The following KIAA0319 variants were observed in gnomAD, a reference collection of about 807,000 sequenced individuals.
KIAA0319 encodes dyslexia-associated protein KIAA0319.
A neutral mutation model predicts 108.4 loss-of-function variants in KIAA0319; 83 were observed. The observed-to-expected ratio is 0.77, with a 90% confidence interval of 0.64 to 0.92. KIAA0319 has a LOEUF of 0.92. Ranked by LOEUF, KIAA0319 falls within the 40% of genes least tolerant of loss-of-function variation. The pLI is 0.00. For missense variants in KIAA0319, 1,195 were observed against 1,322.4 expected (o/e 0.90, Z 1.49); for synonymous variants, 484 against 510.4 (o/e 0.95, Z 0.70).
In KIAA0319 at chr6:24,578,252, T is replaced by G; in HGVS notation, c.1373-10A>C. On this transcript the variant is annotated splice_polypyrimidine_tract_variant and intron_variant, in intron 8 of 20. Transcript: ENST00000378214. ...GTATCATCTGTACTTTCTACAAGAT[T>G]AAGAAATAAAGACAAGAATGAAATA... 1 of 1,567,920 alleles carries G rather than the reference T, an allele frequency of 6.4e-7. No individual in the cohort carries two copies. Among genetic ancestry groups the G allele is most frequent in the South Asian group, 1.2e-5 (1 of 86,246 alleles).
At chr6:24,616,387 C>G (rs1773150232) in intron 1 of KIAA0319, among the ~76,000 whole-genome samples, 1 of 152,198 alleles carries the variant, frequency 6.6e-6, no homozygotes, top group Non-Finnish European at 1.5e-5. Flanking sequence ...GAGACGGAGT[C>G]TCGCTCTGTT....
At chr6:24,566,827 C>T (rs999453333) in intron 13 of KIAA0319, 79 bp from the exon 14 acceptor site, 1 of 1,318,464 alleles carries the variant, frequency 7.6e-7, no homozygotes, top group Non-Finnish European at 1.0e-6. Context: ...CATAAAACAT[C>T]CACAACTCTT....
intron 13 of KIAA0319, among the ~76,000 whole-genome samples, chr6:24,567,759 GA>G (rs1319511562): frequency 6.6e-6 from 1 of 152,154 alleles, no homozygotes; most frequent in Non-Finnish European, 1.5e-5. Flanking sequence ...AATAACTTCA[GA>G]AAAGAGGGGC....
chr6:24,573,772 A>AT (rs1362807031), intron 10 of KIAA0319, among the ~76,000 whole-genome samples: 1 of 152,120 alleles, frequency 6.6e-6, no homozygotes, highest in African/African-American at 2.4e-5. Context: ...CTTTTTTATT[A>AT]TTATTTTTTT....
At chr6:24,559,617 TAA>T (rs3032307) in intron 16 of KIAA0319, among the ~76,000 whole-genome samples, 28,706 of 148,410 alleles carry the variant, frequency 0.19, 2,852 homozygotes, top group South Asian at 0.24. Context: ...TCCATAATAG[TAA>T]AAAAAAAAAA....
chr6:24,642,928 G>A (rs896461856), intron 1 of KIAA0319, among the ~76,000 whole-genome samples: 14 of 152,222 alleles, frequency 9.2e-5, no homozygotes, highest in African/African-American at 3.4e-4. Flanking sequence ...GGCTGGTCTC[G>A]AACTCCTGAC....
At chr6:24,633,771 A>G (rs1166971308) in intron 1 of KIAA0319, among the ~76,000 whole-genome samples, 1 of 152,338 alleles carries the variant, frequency 6.6e-6, no homozygotes, top group East Asian at 1.9e-4. Context: ...ATTAGATCAA[A>G]AAAATCTTCT....
chr6:24,633,449 G>A (rs536316138), intron 1 of KIAA0319, among the ~76,000 whole-genome samples: 39 of 152,080 alleles, frequency 2.6e-4, no homozygotes, highest in Admixed American at 5.2e-4. Flanking sequence ...AATATGTTAC[G>A]TTAACAGAGA....
At chr6:24,639,424 T>G (rs1470673702) in intron 1 of KIAA0319, among the ~76,000 whole-genome samples, 1 of 152,240 alleles carries the variant, frequency 6.6e-6, no homozygotes, top group East Asian at 1.9e-4. Flanking sequence ...TACTCACTGT[T>G]AGCACTCAAG....
intron 2 of KIAA0319, chr6:24,598,883 A>G (rs1397670330): frequency 1.8e-5 from 6 of 333,600 alleles, no homozygotes; most frequent in Admixed American, 1.5e-4. Context: ...CATTTAAAAA[A>G]AAAATAAAAA....
At position 24,595,988 on chromosome 6, in the gene KIAA0319, A is replaced by G. The variant is rs763559461; in HGVS notation, c.686T>C (p.Leu229Pro). 6.2e-6 allele frequency: 10 copies of G among 1,613,988 alleles called. No homozygotes were observed. The highest frequency in any genetic ancestry group is 7.6e-6 in the Non-Finnish European group (9 of 1,180,016). The change falls in exon 3 of 21, where the codon CTC becomes CCC. Residue 229 changes from leucine (L) to proline (P), a missense_variant. Transcript: ENST00000378214. ...NESASTPAPK[L>P]PERSVLLPLP... is the part of the protein sequence containing the mutation. ...GGGAAGCAACACACTTCTCTCAGGG[A>G]GTTTTGGGGCAGGGGTTGAAGCCGA...
At chr6:24,580,653 A>G (rs895911267) in intron 7 of KIAA0319, among the ~76,000 whole-genome samples, 1 of 152,166 alleles carries the variant, frequency 6.6e-6, no homozygotes, top group African/African-American at 2.4e-5. Context: ...GTTAGAGTGG[A>G]TGGTGTAAAT....
chr6:24,572,694 ACTCC>A lies in KIAA0319; in HGVS notation c.1735_1738del (p.Gly579TyrfsTer20). ...AGATAAATGAAGGTATGGCGTCTGT[ACTCC>A]CTAAGTAATAGCAAATACAAAAATA... On this transcript the variant is annotated frameshift_variant and splice_region_variant, in exon 11 of 21. Transcript: ENST00000378214. LOFTEE classifies it high-confidence loss of function. 6.2e-7 allele frequency: 1 copy of A among 1,607,614 alleles called. No homozygotes were observed. The highest frequency in any genetic ancestry group is 8.5e-7 in the Non-Finnish European group (1 of 1,178,244).
intron 1 of KIAA0319, among the ~76,000 whole-genome samples, chr6:24,641,162 T>G (rs764483011): frequency 2.0e-5 from 3 of 152,248 alleles, no homozygotes; most frequent in Non-Finnish European, 2.9e-5. Context: ...CATACAATGT[T>G]GTTTGTGTCC....
intron 9 of KIAA0319, among the ~76,000 whole-genome samples, chr6:24,576,924 C>CA (rs1208677642): frequency 1.4e-5 from 2 of 145,340 alleles, no homozygotes; most frequent in Admixed American, 6.9e-5. Context: ...CAGACTGTCA[C>CA]AAAAAACAAC....
intron 3 of KIAA0319, among the ~76,000 whole-genome samples, chr6:24,594,645 A>C (rs12193958): frequency 0.074 from 4,058 of 54,530 alleles, 88 homozygotes; most frequent in African/African-American, 0.13. Flanking sequence ...AAAACAACAA[A>C]AAAAAAAAAC....
At chr6:24,547,431 C>T (rs1760791519) in intron 20 of KIAA0319, 88 bp from the exon 21 acceptor site, 1 of 1,138,424 alleles carries the variant, frequency 8.8e-7, no homozygotes, top group Non-Finnish European at 1.3e-6. Flanking sequence ...CTGTGATGGG[C>T]ACGGAGTGGT....
At chr6:24,596,699 A>G in intron 2 of KIAA0319, 81 bp from the exon 3 acceptor site, 1 of 1,327,642 alleles carries the variant, frequency 7.5e-7, no homozygotes, top group Non-Finnish European at 1.0e-6. Context: ...AGGAAAAGGG[A>G]GTCTTCTCAA....
chr6:24,542,875 T>G (rs1325526026), downstream of KIAA0319, among the ~76,000 whole-genome samples: 1 of 152,222 alleles, frequency 6.6e-6, no homozygotes, highest in Non-Finnish European at 1.5e-5. Flanking sequence ...AGGACTCAGA[T>G]GTATCAACCA....
Sources: allele counts gnomAD v4.1 joint callset (sites outside exome capture counted in the v4.1 genomes callset), GRCh38; gene constraint gnomAD v4.1.1; transcripts MANE v1.5; gene names NCBI Gene and HGNC (gene_info 2026-07-23, HGNC 2026-07-21).